Variants in CREB5 observed in about 807,000 individuals in gnomAD.
The protein encoded by CREB5 is cyclic AMP-responsive element-binding protein 5.
A neutral mutation model predicts 57.1 loss-of-function variants in CREB5; 19 were observed. The ratio of observed to expected loss-of-function variants is 0.33; its 90% CI spans 0.23 to 0.49. The LOEUF (loss-of-function observed/expected upper bound fraction) is 0.49. CREB5 is among the 20% of genes least tolerant of loss of function. CREB5 has a pLI of 0.99. For missense variants in CREB5, 579 were observed against 671.6 expected (o/e 0.86, Z 1.52); for synonymous variants, 238 against 238.3 (o/e 1.00, Z 0.01).
At chr7:28,677,888 C>G (rs1191407635) in intron 5 of CREB5, among the ~76,000 whole-genome samples, 3 of 150,742 alleles carry the variant, frequency 2.0e-5, no homozygotes, top group Non-Finnish European at 4.4e-5. Context: ...GACCCCATCT[C>G]TAAAAATGAA....
chr7:28,400,919 A>G lies in CREB5; in HGVS notation c.-24-93987A>G, dbSNP rs893096688. 2.0e-5 allele frequency among the ~76,000 whole-genome samples: 3 copies of G among 152,206 alleles called. No individual in the cohort carries two copies. The East Asian group carries it at 5.8e-4, about 29-fold the overall frequency. On this transcript the variant is annotated intron_variant, in intron 1 of 9. Coordinates refer to the CREB5 transcript ENST00000396299. The stretch of plus-strand genomic sequence containing the variant: ...CAATATTAATTTATGGGATATCAAT[A>G]ATGTTTTAGTCTAAATGAAACTTCC...
At chr7:28,438,755 A>G (rs1789062311) in intron 1 of CREB5, among the ~76,000 whole-genome samples, 2 of 152,208 alleles carry the variant, frequency 1.3e-5, no homozygotes, top group Admixed American at 6.5e-5. Flanking sequence ...GAGACCCCCA[A>G]GTGGGGAGCA....
chr7:28,624,695 A>T (rs1554276714), intron 5 of CREB5, among the ~76,000 whole-genome samples: 1 of 145,720 alleles, frequency 6.9e-6, no homozygotes, highest in Admixed American at 6.9e-5. Flanking sequence ...AAAAAAAAAC[A>T]ATCTTGAAGA....
intron 4 of CREB5, among the ~76,000 whole-genome samples, chr7:28,519,088 G>A (rs752850352): frequency 3.9e-5 from 6 of 152,108 alleles, no homozygotes; most frequent in Admixed American, 6.5e-5. Context: ...TCCAAAAAGC[G>A]AGCAGGAAAC....
At chr7:28,435,364 T>A (rs930815920) in intron 1 of CREB5, among the ~76,000 whole-genome samples, 1 of 151,622 alleles carries the variant, frequency 6.6e-6, no homozygotes, top group Admixed American at 6.6e-5. Flanking sequence ...GATGTGCATT[T>A]TGACCTTTTC....
At chr7:28,337,432 TTTATCA>T (rs1785846102) in intron 1 of CREB5, among the ~76,000 whole-genome samples, 1 of 152,130 alleles carries the variant, frequency 6.6e-6, no homozygotes, top group Admixed American at 6.5e-5. Context: ...AATTGACTCC[TTTATCA>T]TTATATAATG....
At chr7:28,755,708 A>T (rs1373157197) in intron 7 of CREB5, among the ~76,000 whole-genome samples, 1 of 152,234 alleles carries the variant, frequency 6.6e-6, no homozygotes, top group Non-Finnish European at 1.5e-5. Flanking sequence ...TTAAACAATG[A>T]TTAAACGATG....
chr7:28,803,178 C>G (rs924927176), intron 7 of CREB5, among the ~76,000 whole-genome samples: 27 of 152,170 alleles, frequency 1.8e-4, no homozygotes, highest in Non-Finnish European at 3.4e-4. Flanking sequence ...ATGTGGCCAT[C>G]AAAGGAGGTG....
chr7:28,504,628 A>T (rs909152946), intron 3 of CREB5, among the ~76,000 whole-genome samples: 5 of 152,154 alleles, frequency 3.3e-5, no homozygotes, highest in African/African-American at 4.8e-5. Flanking sequence ...TTGAGAGTTG[A>T]AAGTTTTTTT....
Position 28,809,361 on chromosome 7 carries a change from A to C in CREB5, c.1201A>C (p.Met401Leu). 2 of 1,614,164 alleles carry C rather than the reference A, an allele frequency of 1.2e-6. No individual in the cohort carries two copies. Among genetic ancestry groups the C allele is most frequent in the Non-Finnish European group, 1.7e-6 (2 of 1,180,018 alleles). The change falls in exon 9 of 11, where the codon ATG becomes CTG. Residue 401 changes from methionine to leucine, a missense_variant. Met to Leu is a conservative substitution (Grantham distance 15). This residue lies in a region of CREB5 where 114 missense variants were observed against 130.8 expected (regional missense o/e 0.87). Transcript: ENST00000357727. ...RCRQKRKVWV[M>L]SLEKKAEELT... ...CAGACAGAAGAGGAAGGTCTGGGTG[A>C]TGTCATTGGAAAAGAAAGCAGAAGA...
intron 1 of CREB5, among the ~76,000 whole-genome samples, chr7:28,486,671 T>TAA (rs767116603): frequency 0.097 from 2,978 of 30,672 alleles, 316 homozygotes; most frequent in African/African-American, 0.29. Context: ...CCTATGATTT[T>TAA]ATATATATAT....
chr7:28,375,162 G>C (rs982185865), intron 1 of CREB5, among the ~76,000 whole-genome samples: 2 of 152,096 alleles, frequency 1.3e-5, no homozygotes, highest in Non-Finnish European at 2.9e-5. Flanking sequence ...AATTACCTAA[G>C]ACCTCCTTAG....
chr7:28,616,369 G>A (rs1797596281), intron 5 of CREB5, among the ~76,000 whole-genome samples: 1 of 152,164 alleles, frequency 6.6e-6, no homozygotes, highest in Non-Finnish European at 1.5e-5. Context: ...CTTCTATGAA[G>A]AGAACCTTCT....
intron 7 of CREB5, among the ~76,000 whole-genome samples, chr7:28,790,472 G>GAGAGAGAGAGAGAA (rs1562643098): frequency 7.2e-5 from 9 of 124,950 alleles, no homozygotes; most frequent in Admixed American, 1.5e-4. Flanking sequence ...TAGAGAGAGA[G>GAGAGAGAGAGAGAA]AGAAAGAAAG....
chr7:28,431,234 C>T (rs1202033510), intron 1 of CREB5, among the ~76,000 whole-genome samples: 1 of 152,156 alleles, frequency 6.6e-6, no homozygotes, highest in Non-Finnish European at 1.5e-5. Flanking sequence ...GTACCTATGG[C>T]AAGAAGAAGA....
Position 28,361,465 on chromosome 7 carries a change from TC to T in CREB5, c.-25+62026del, listed in dbSNP as rs1786481134. 3.3e-5 allele frequency among the ~76,000 whole-genome samples: 5 copies of T among 152,328 alleles called. No homozygotes were observed. In the South Asian group the frequency reaches 1.0e-3, roughly 32 times the overall value. Reference sequence around the variant, plus strand: ...CTCTAAGGAAGCAAAAGAGGCCACATCCTTTTCCCTGCCCCAGCCCAGCTAG... The same window carrying T: ...CTCTAAGGAAGCAAAAGAGGCCACATCTTTTCCCTGCCCCAGCCCAGCTAG... On this transcript the variant is annotated intron_variant, in intron 1 of 9. Coordinates refer to the CREB5 transcript ENST00000396299.
At chr7:28,665,660 G>T (rs1355599688) in intron 5 of CREB5, among the ~76,000 whole-genome samples, 1 of 152,176 alleles carries the variant, frequency 6.6e-6, no homozygotes, top group Non-Finnish European at 1.5e-5. Flanking sequence ...GATATAGGGG[G>T]AACATGGCTT....
At chr7:28,793,098 C>T (rs1468009596) in intron 7 of CREB5, among the ~76,000 whole-genome samples, 3 of 152,036 alleles carry the variant, frequency 2.0e-5, no homozygotes, top group Non-Finnish European at 4.4e-5. Flanking sequence ...TCTCACTTCC[C>T]CTAATCCCCA....
chr7:28,356,754 G>C (rs117572784), intron 1 of CREB5, among the ~76,000 whole-genome samples: 1 of 152,116 alleles, frequency 6.6e-6, no homozygotes, highest in Non-Finnish European at 1.5e-5. Context: ...GCTGTGTTTC[G>C]GCCACAGGAT....
Sources: gnomAD v4.1 joint callset for allele counts (sites outside exome capture counted in the v4.1 genomes callset) on GRCh38, gnomAD v4.1.1 for gene constraint, gnomAD v4.1.1 regional missense constraint, MANE v1.5 for transcripts, NCBI Gene and HGNC (gene_info 2026-07-23, HGNC 2026-07-21) for gene names.